ITPR2: variants seen among roughly 807,000 people sequenced by gnomAD.
ITPR2 encodes the protein inositol 1,4,5-trisphosphate receptor type 2.
ITPR2 carries 207 observed loss-of-function variants against 317.1 expected under a neutral mutation model. That is an observed-to-expected ratio of 0.65 (90% confidence interval 0.58 to 0.73). The LOEUF (loss-of-function observed/expected upper bound fraction) is 0.73. ITPR2 is among the 30% of genes least tolerant of loss of function. The pLI is 0.00. For synonymous variants in ITPR2, 1,156 were observed against 1,149.1 expected, an observed-to-expected ratio of 1.01 and a Z score of -0.12; for missense variants, 2,613 against 3,284.0, an observed-to-expected ratio of 0.80 and a Z score of 4.99.
At chr12:26,670,591 A>G (rs1947744380) in intron 13 of ITPR2, among the ~76,000 whole-genome samples, 1 of 152,164 alleles carries the variant, frequency 6.6e-6, no homozygotes, top group Non-Finnish European at 1.5e-5. Context: ...AAAACCACAA[A>G]GATGGGGAAA....
chr12:26,676,999 G>A (rs768860424), intron 13 of ITPR2, among the ~76,000 whole-genome samples: 3 of 152,042 alleles, frequency 2.0e-5, no homozygotes, highest in Admixed American at 1.3e-4. Flanking sequence ...AGCATGCCGC[G>A]GCACTTTTCT....
chr12:26,559,782 C>T (rs1944763828), intron 35 of ITPR2, among the ~76,000 whole-genome samples: 1 of 152,158 alleles, frequency 6.6e-6, no homozygotes, highest in Non-Finnish European at 1.5e-5. Context: ...TTTGCATTTC[C>T]TATTTCCTTC....
intron 49 of ITPR2, among the ~76,000 whole-genome samples, chr12:26,422,061 T>C (rs914131237): frequency 4.0e-5 from 6 of 151,130 alleles, no homozygotes; most frequent in Non-Finnish European, 8.8e-5. Flanking sequence ...CTTAAGTTTA[T>C]TTAATTAAAT....
At chr12:26,790,617 A>ACACACACACT (rs1555192765) in intron 1 of ITPR2, among the ~76,000 whole-genome samples, 3 of 150,870 alleles carry the variant, frequency 2.0e-5, no homozygotes, top group South Asian at 4.2e-4. Flanking sequence ...ACACACACAC[A>ACACACACACT]CTTCTACACA....
chr12:26,605,087 C>CAAAAAAA (rs201682839), intron 26 of ITPR2, among the ~76,000 whole-genome samples: 1 of 66,818 alleles, frequency 1.5e-5, no homozygotes, highest in African/African-American at 4.8e-5. Context: ...GACTCAGTCT[C>CAAAAAAA]AAAAAAAAAA....
intron 13 of ITPR2, among the ~76,000 whole-genome samples, chr12:26,676,659 G>C (rs969782201): frequency 6.6e-6 from 1 of 151,156 alleles, no homozygotes; most frequent in African/African-American, 2.4e-5. Context: ...TAAAGAAAGG[G>C]GCAGAAGAAG....
intron 55 of ITPR2, among the ~76,000 whole-genome samples, chr12:26,360,531 G>C (rs182242476): frequency 1.2e-4 from 18 of 152,314 alleles, no homozygotes; most frequent in Admixed American, 5.2e-4. Flanking sequence ...GCTTGGCCCA[G>C]TTTGTGGCTT....
At chr12:26,744,743 T>A (rs1455292989) in intron 2 of ITPR2, among the ~76,000 whole-genome samples, 1 of 152,208 alleles carries the variant, frequency 6.6e-6, no homozygotes, top group Non-Finnish European at 1.5e-5. Flanking sequence ...GAGAACACAG[T>A]CATAGCAGCC....
At chr12:26,494,448 A>G (rs1942886175) in intron 38 of ITPR2, 108 bp from the exon 39 acceptor site, 1 of 749,588 alleles carries the variant, frequency 1.3e-6, no homozygotes, top group Non-Finnish European at 1.9e-6. Context: ...TTAATCATTG[A>G]GATTTTTTCC....
At chr12:26,799,104 G>A (rs149504998) in intron 1 of ITPR2, among the ~76,000 whole-genome samples, 2 of 152,294 alleles carry the variant, frequency 1.3e-5, no homozygotes, top group Non-Finnish European at 2.9e-5. Context: ...CCATATATAA[G>A]TTTTCAATCA....
At chr12:26,453,004 TTA>T (rs1301298758) in intron 45 of ITPR2, among the ~76,000 whole-genome samples, 9 of 152,178 alleles carry the variant, frequency 5.9e-5, no homozygotes, top group South Asian at 2.1e-4. Flanking sequence ...ATGAATTAAT[TTA>T]TATGTTTATT....
chr12:26,350,910 A>T (rs893976602), intron 55 of ITPR2, among the ~76,000 whole-genome samples: 1 of 152,228 alleles, frequency 6.6e-6, no homozygotes, highest in Non-Finnish European at 1.5e-5. Flanking sequence ...ACATCTGCTC[A>T]TGGTGGGGTC....
At chr12:26,795,367 A>G (rs999682706) in intron 1 of ITPR2, among the ~76,000 whole-genome samples, 1 of 152,278 alleles carries the variant, frequency 6.6e-6, no homozygotes, top group African/African-American at 2.4e-5. Context: ...AGAAAAAATT[A>G]TTTAAGCCAG....
At chr12:26,523,147 T>C (rs141729863) in intron 37 of ITPR2, among the ~76,000 whole-genome samples, 8 of 152,352 alleles carry the variant, frequency 5.3e-5, no homozygotes, top group African/African-American at 1.9e-4. Context: ...TCTAGTATGA[T>C]AATAATCCTC....
In ITPR2 at chr12:26,691,315, A is replaced by AT. The variant is rs1166420105; in HGVS notation, c.996+4290dup. Among the ~76,000 whole-genome samples the AT allele has an allele frequency of 1.6e-4, 25 of 152,274 alleles. No homozygotes were observed. In the East Asian group the frequency reaches 4.8e-3, roughly 29 times the overall value. On this transcript the variant is annotated intron_variant, in intron 10 of 56. Transcript: ENST00000381340. ...GGCTTTTGTTTATAAACTCACATTG[A>AT]TTTTTTTAAGAAAAAAGACACAGAA...
chr12:26,748,696 A>G (rs1391546987), intron 2 of ITPR2, among the ~76,000 whole-genome samples: 4 of 152,206 alleles, frequency 2.6e-5, no homozygotes, highest in African/African-American at 9.6e-5. Context: ...ATACTTGCTT[A>G]AGTTATTTTT....
At chr12:26,712,732 T>G (rs1243564919) in intron 8 of ITPR2, among the ~76,000 whole-genome samples, 2 of 152,006 alleles carry the variant, frequency 1.3e-5, no homozygotes, top group Non-Finnish European at 2.9e-5. Flanking sequence ...GATCCCAGAC[T>G]AAGAACTACT....
At position 26,456,865 on chromosome 12, in the gene ITPR2, G is replaced by A. The variant is rs559884433; in HGVS notation, c.6343-13215C>T. Among the ~76,000 whole-genome samples the A allele has an allele frequency of 5.5e-4, 83 of 152,168 alleles. 2 individuals carry two copies. Among genetic ancestry groups the A allele is most frequent in the African/African-American group, 1.7e-3 (70 of 41,504 alleles). ...TTTTTGTATTTTTTACTAGAGACAG[G>A]GTTTCACCTTGTTGGCCAGGCTGGT... On this transcript the variant is annotated intron_variant, in intron 45 of 56. Transcript: ENST00000381340.
At chr12:26,502,913 A>G (rs891442423) in intron 37 of ITPR2, among the ~76,000 whole-genome samples, 2 of 152,230 alleles carry the variant, frequency 1.3e-5, no homozygotes, top group Admixed American at 1.3e-4. Flanking sequence ...ATAATCATTT[A>G]GTGAAGACAG....
Sources: allele counts gnomAD v4.1 joint callset (sites outside exome capture counted in the v4.1 genomes callset), GRCh38; gene constraint gnomAD v4.1.1; transcripts MANE v1.5; gene names NCBI Gene and HGNC (gene_info 2026-07-23, HGNC 2026-07-21).